NSD3: variants seen among roughly 807,000 people sequenced by gnomAD.
The protein encoded by NSD3 is nuclear receptor binding SET domain protein 3, also known as histone-lysine N-methyltransferase NSD3.
NSD3 carries 24 observed loss-of-function variants against 160.8 expected under a neutral mutation model. That is an observed-to-expected ratio of 0.15 (90% CI 0.11 to 0.21). The LOEUF is 0.21. Among genes scored for constraint, NSD3 ranks in the 10% least tolerant of loss-of-function variants. NSD3 has a pLI of 1.00. For missense variants in NSD3, 1,157 were observed against 1,735.9 expected (o/e 0.67, Z 5.93); for synonymous variants, 520 against 600.0 (o/e 0.87, Z 1.95).
chr8:38,338,232 A>G (rs1406992331), intron 3 of NSD3, among the ~76,000 whole-genome samples: 3 of 151,688 alleles, frequency 2.0e-5, no homozygotes, highest in African/African-American at 7.3e-5. Context: ...CCCAGGAGGC[A>G]GAGGTTGCAG....
chr8:38,373,852 C>T lies in NSD3; in HGVS notation c.-45+7947G>A, dbSNP rs187983149. On this transcript the variant is annotated intron_variant, in intron 1 of 23. Transcript: ENST00000317025. ...GTGGCTCATGCCTATAATCCCAACACTTTGGGAGGACGAGGTGGGAGGATT... is the reference window on the plus strand; with the variant it reads ...GTGGCTCATGCCTATAATCCCAACATTTTGGGAGGACGAGGTGGGAGGATT... 3.7e-3 allele frequency among the ~76,000 whole-genome samples: 528 copies of T among 143,072 alleles called. 1 individual carries two copies. Among genetic ancestry groups the T allele is most frequent in the African/African-American group, 0.013 (512 of 38,278 alleles). 93.9% of individuals were successfully genotyped at this position (143,072 alleles called of 152,430 possible). A position where few individuals can be genotyped will look rare whatever the true frequency, so the allele number is the denominator to read the frequency against.
intron 1 of NSD3, among the ~76,000 whole-genome samples, chr8:38,361,033 ATTTT>A (rs899363881): frequency 6.6e-6 from 1 of 150,578 alleles, no homozygotes; most frequent in Admixed American, 6.6e-5. Context: ...AGGAGAAATA[ATTTT>A]TTTTTTGAGA....
At chr8:38,345,801 C>T (rs1026079924) in intron 2 of NSD3, among the ~76,000 whole-genome samples, 7 of 151,572 alleles carry the variant, frequency 4.6e-5, no homozygotes, top group African/African-American at 1.5e-4. Flanking sequence ...CCCAGCTACT[C>T]GGGAGGCTGA....
chr8:38,377,824 T>A lies in NSD3; in HGVS notation c.-45+3975A>T, dbSNP rs1170242819. Among the ~76,000 whole-genome samples the A allele has an allele frequency of 2.0e-5, 3 of 152,002 alleles. No individual in the cohort carries two copies. In the East Asian group the frequency reaches 5.8e-4, roughly 30 times the overall value. On this transcript the variant is annotated intron_variant, in intron 1 of 23. Transcript: ENST00000317025. ...GGTGCATGCCTGTAATCCCAGCTAC[T>A]CGGGAGACTGAGGCAGAAGAACCGC...
In NSD3 at chr8:38,382,252, G is replaced by A. The variant is rs1811606505; in HGVS notation, c.-498C>T. On this transcript the variant is annotated 5_prime_UTR_variant, in exon 1 of 24. Coordinates refer to ENST00000317025, the MANE Select transcript of NSD3 (RefSeq NM_023034.2). The surrounding 1 kb of genome is among the most constrained non-coding windows in gnomAD (Gnocchi z 4.2). ...GGCCGCCGCCGCCGCCTCTCCCGCC[G>A]CCGCCGCGCACAAAGCCCCCCCACC... 1 of 168,452 alleles carries A rather than the reference G, an allele frequency of 5.9e-6. No individual in the cohort carries two copies. Among genetic ancestry groups the A allele is most frequent in the Non-Finnish European group, 1.2e-5 (1 of 81,008 alleles). 10.4% of individuals were successfully genotyped at this position (168,452 alleles called of 1,614,324 possible).
At chr8:38,299,340 A>G in intron 15 of NSD3, 104 bp downstream of exon 15, 1 of 1,277,134 alleles carries the variant, frequency 7.8e-7, no homozygotes, top group Non-Finnish European at 1.0e-6. Context: ...ATTTACCAAA[A>G]GCAACAGATG....
At chr8:38,276,010 T>C (rs768811044) in intron 23 of NSD3, 128 bp from the exon 24 acceptor site, 13 of 918,326 alleles carry the variant, frequency 1.4e-5, no homozygotes, top group Non-Finnish European at 2.1e-5. Flanking sequence ...CAACTCCAAA[T>C]TTCAACCAAA....
chr8:38,319,196 C>A lies in NSD3; in HGVS notation c.1810-256G>T. ...TAGCAAAGACTTTTCCCACCATTCC[C>A]TTGGTATATGAAGAGAACAAGAATA... On this transcript the variant is annotated intron_variant, in intron 8 of 23. Transcript: ENST00000317025. The surrounding 1 kb of genome is among the most constrained non-coding windows in gnomAD (Gnocchi z 4.1). 2.4e-6 allele frequency: 1 copy of A among 408,858 alleles called. No individual in the cohort carries two copies. Among genetic ancestry groups the A allele is most frequent in the African/African-American group, 2.1e-5 (1 of 48,048 alleles). The allele number at this position is 408,858 out of a possible 1,614,324, so 25.3% of individuals were successfully genotyped here. A position where few individuals can be genotyped will look rare whatever the true frequency, so the allele number is the denominator to read the frequency against.
chr8:38,364,520 T>C (rs192386020), intron 1 of NSD3, among the ~76,000 whole-genome samples: 6 of 152,190 alleles, frequency 3.9e-5, no homozygotes, highest in Non-Finnish European at 8.8e-5. Flanking sequence ...TTCTATACTC[T>C]GGAGTTTACT....
chr8:38,299,485 A>T lies in NSD3; in HGVS notation c.2717T>A (p.Met906Lys). 1 of 1,613,842 alleles carries T rather than the reference A, an allele frequency of 6.2e-7. No individual in the cohort carries two copies. The highest frequency in any genetic ancestry group is 8.5e-7 in the Non-Finnish European group (1 of 1,179,874). ...TTTGGAAGCTGACGAAGAAGGAATC[A>T]TAGGTAATTTCATCAACTCAGCACG... ...SNRAELMKLP[M>K]IPSSSASKKK... Residue 906 changes from methionine (M) to lysine (K), a missense_variant, in exon 15 of 24, where the codon ATG becomes AAG. Transcript: ENST00000317025.
chr8:38,338,727 A>ATTCTCT, intron 2 of NSD3, 120 bp from the exon 3 acceptor site: 1 of 781,920 alleles, frequency 1.3e-6, no homozygotes, highest in Non-Finnish European at 2.2e-6. Context: ...AAGGGCATTT[A>ATTCTCT]TTAACTGAAC....
Position 38,298,019 on chromosome 8 carries a change from T to C in NSD3, c.2758+1425A>G, listed in dbSNP as rs562539974. 1.3e-4 allele frequency among the ~76,000 whole-genome samples: 20 copies of C among 152,196 alleles called. No homozygotes were observed. The South Asian group carries it at 3.9e-3, about 30-fold the overall frequency. The stretch of plus-strand genomic sequence containing the variant: ...TCAGAGAAAATCATCATGATAAAGA[T>C]GCTTAAAATACACAAGGGAAATAAA... On this transcript the variant is annotated intron_variant, in intron 15 of 23. Coordinates refer to ENST00000317025, the MANE Select transcript of NSD3 (RefSeq NM_023034.2).
Position 38,275,542 on chromosome 8 carries a change from C to T in NSD3, c.*99G>A, listed in dbSNP as rs937337827. 5.3e-5 allele frequency: 65 copies of T among 1,215,136 alleles called. No homozygotes were observed. Among genetic ancestry groups the T allele is most frequent in the Non-Finnish European group, 6.4e-5 (57 of 884,630 alleles). 75.3% of individuals were successfully genotyped at this position (1,215,136 alleles called of 1,614,324 possible). On this transcript the variant is annotated 3_prime_UTR_variant, in exon 24 of 24. Transcript: ENST00000317025. ...CATTTTTGCTTTAATAAGGCAGTTC[C>T]GATGGCAAAGGCTGTATGCACTGTA...
intron 1 of NSD3, among the ~76,000 whole-genome samples, chr8:38,369,986 G>A (rs541831456): frequency 1.3e-5 from 2 of 152,142 alleles, no homozygotes; most frequent in African/African-American, 2.4e-5. Context: ...TAGACATGGG[G>A]TTTCACCATG....
At chr8:38,379,489 AT>A (rs1197209681) in intron 1 of NSD3, among the ~76,000 whole-genome samples, 13 of 149,702 alleles carry the variant, frequency 8.7e-5, no homozygotes, top group South Asian at 2.1e-4. Flanking sequence ...AGCATGCTGA[AT>A]TTTTTTTTTA....
chr8:38,312,819 T>C (rs1353675059), intron 12 of NSD3, among the ~76,000 whole-genome samples: 1 of 152,176 alleles, frequency 6.6e-6, no homozygotes, highest in East Asian at 1.9e-4. Context: ...GTGAGCCACT[T>C]AAACGTCTTT....
At chr8:38,295,978 A>G (rs1458877671) in intron 15 of NSD3, 26 bp from the exon 16 acceptor site, 2 of 1,585,162 alleles carry the variant, frequency 1.3e-6, no homozygotes, top group Non-Finnish European at 1.7e-6. Flanking sequence ...CAGTCTTAAT[A>G]ACTGAGAAAA....
Position 38,347,639 on chromosome 8 carries a change from T to C in NSD3, c.533A>G (p.Asn178Ser). 6.2e-7 allele frequency: 1 copy of C among 1,613,816 alleles called. No homozygotes were observed. Among genetic ancestry groups the C allele is most frequent in the Non-Finnish European group, 8.5e-7 (1 of 1,180,038 alleles). Residue 178 changes from asparagine to serine, a missense_variant, in exon 2 of 24, where the codon AAT (asparagine) becomes AGT (serine). Asn to Ser is a conservative substitution (Grantham distance 46). Transcript: ENST00000317025. ...CGTGTGCTCACTTGCCTGTACTTCATTTAAAAGGTCTCCACAAAGGGAAGA... is the reference window on the plus strand; with the variant it reads ...CGTGTGCTCACTTGCCTGTACTTCACTTAAAAGGTCTCCACAAAGGGAAGA... ...FESSLCGDLLNEVQASEHTKS... is the reference protein window; with the variant it reads ...FESSLCGDLLSEVQASEHTKS...
rs1282070461 is a variant in NSD3, at chr8:38,318,998, A to G, written c.1810-58T>C. 1.8e-5 allele frequency: 26 copies of G among 1,426,276 alleles called. No individual in the cohort carries two copies. In the East Asian group the frequency reaches 5.3e-4, roughly 29 times the overall value. The allele number at this position is 1,426,276 out of a possible 1,614,324, so 88.4% of individuals were successfully genotyped here. A position where few individuals can be genotyped will look rare whatever the true frequency, so the allele number is the denominator to read the frequency against. ...GAATTTTTTTCCCTTTTAATTATTA[A>G]CAGAGGGAAAAGATACTTTCATCAA... On this transcript the variant is annotated intron_variant, in intron 8 of 23. Coordinates refer to ENST00000317025, the MANE Select transcript of NSD3 (RefSeq NM_023034.2). This position sits in a 1 kb window ranked among gnomAD's most constrained non-coding sequence, Gnocchi z 5.3.
Sources: gnomAD v4.1 joint callset for allele counts (sites outside exome capture counted in the v4.1 genomes callset) on GRCh38, gnomAD v4.1.1 for gene constraint, Gnocchi (gnomAD v3.1) non-coding constraint, MANE v1.5 for transcripts, NCBI Gene and HGNC (gene_info 2026-07-23, HGNC 2026-07-21) for gene names.